Variants in CYB5B observed in about 807,000 individuals in gnomAD.
CYB5B encodes cytochrome b5 type B, also known as cytochrome b5 type B (outer mitochondrial membrane).
In CYB5B, 14 loss-of-function variants were observed where a neutral mutation model predicts 21.3. That is an observed-to-expected ratio of 0.66 (90% CI 0.43 to 1.03). The LOEUF is 1.03. Ranked by LOEUF, CYB5B falls within the 50% of genes least tolerant of loss-of-function variation. CYB5B has a pLI of 0.00. For missense variants in CYB5B, 166 were observed against 185.1 expected, an observed-to-expected ratio of 0.90 and a Z score of 0.60; for synonymous variants, 69 against 68.4, an observed-to-expected ratio of 1.01 and a Z score of -0.04.
Position 69,463,760 on chromosome 16 carries a change from G to A in CYB5B, c.*1240G>A, listed in dbSNP as rs920858475. ...TTATCTCCGTGACTCCAACTTGTGG[G>A]TTTGTTCTGTTTTTCCATGAGAATA... On this transcript the variant is annotated 3_prime_UTR_variant, in exon 5 of 5. Transcript: ENST00000307892. 6.6e-6 allele frequency: 1 copy of A among 152,120 alleles called. No homozygotes were observed. The highest frequency in any genetic ancestry group is 6.5e-5 in the Admixed American group (1 of 15,288). 9.4% of individuals were successfully genotyped at this position (152,120 alleles called of 1,614,324 possible).
chr16:69,459,416 A>G (rs78669448), intron 4 of CYB5B: 10,985 of 298,162 alleles, frequency 0.037, 1,129 homozygotes, highest in African/African-American at 0.22. Context: ...GGTAGCTACT[A>G]TTGGGTCAGC....
intron 1 of CYB5B, among the ~76,000 whole-genome samples, chr16:69,444,650 C>T (rs535542069): frequency 6.6e-6 from 1 of 151,910 alleles, no homozygotes; most frequent in South Asian, 2.1e-4. Flanking sequence ...CACTCTGACC[C>T]CCACTTGCTT....
chr16:69,437,629 G>T (rs2014774744), intron 1 of CYB5B, among the ~76,000 whole-genome samples: 1 of 151,972 alleles, frequency 6.6e-6, no homozygotes, highest in Admixed American at 6.6e-5. Context: ...AACAAAATTT[G>T]CCATTTTAAC....
At chr16:69,437,133 A>G (rs553621167) in intron 1 of CYB5B, among the ~76,000 whole-genome samples, 29 of 152,290 alleles carry the variant, frequency 1.9e-4, no homozygotes, top group African/African-American at 7.0e-4. Flanking sequence ...CTTGATTATT[A>G]TTGCTTGATT....
chr16:69,438,825 A>G (rs1250487385), intron 1 of CYB5B, among the ~76,000 whole-genome samples: 3 of 152,158 alleles, frequency 2.0e-5, no homozygotes. Context: ...CTTTATTGTT[A>G]GGTTACAGTT....
At chr16:69,430,923 T>C (rs1167617702) in intron 1 of CYB5B, among the ~76,000 whole-genome samples, 2 of 152,188 alleles carry the variant, frequency 1.3e-5, no homozygotes, top group Non-Finnish European at 2.9e-5. Flanking sequence ...TTCACCCGCC[T>C]CGGCCTCCCA....
intron 1 of CYB5B, among the ~76,000 whole-genome samples, chr16:69,446,422 T>G (rs2014879077): frequency 6.6e-6 from 1 of 152,110 alleles, no homozygotes; most frequent in Non-Finnish European, 1.5e-5. Flanking sequence ...CTCACAGGTT[T>G]AAGTGATTCT....
chr16:69,459,973 G>A (rs370364392), intron 4 of CYB5B, among the ~76,000 whole-genome samples: 2 of 152,072 alleles, frequency 1.3e-5, no homozygotes, highest in African/African-American at 4.8e-5. Context: ...ATGCAGGGCC[G>A]GGCGCGGTGG....
intron 1 of CYB5B, among the ~76,000 whole-genome samples, chr16:69,434,583 T>C (rs1411923328): frequency 1.3e-5 from 2 of 151,976 alleles, no homozygotes; most frequent in African/African-American, 4.8e-5. Context: ...GGTGTGTGGT[T>C]GGCCAGGTGC....
At chr16:69,447,306 T>TA in intron 2 of CYB5B, 28 bp downstream of exon 2, 1 of 1,607,450 alleles carries the variant, frequency 6.2e-7, no homozygotes, top group Non-Finnish European at 8.5e-7. Context: ...TGGGAGCCCT[T>TA]ATGCAGAGAA....
intron 1 of CYB5B, among the ~76,000 whole-genome samples, chr16:69,433,134 C>T (rs541035222): frequency 3.5e-4 from 54 of 152,276 alleles, no homozygotes; most frequent in Non-Finnish European, 7.2e-4. Flanking sequence ...TAGGATCTGC[C>T]TCAATGTTTT....
intron 1 of CYB5B, chr16:69,443,327 TC>T: frequency 6.4e-6 from 1 of 155,644 alleles, no homozygotes. Flanking sequence ...ACCCATCAGC[TC>T]CAGAACTTTC....
chr16:69,455,468 T>G (rs1046159458), intron 3 of CYB5B, among the ~76,000 whole-genome samples: 37 of 145,802 alleles, frequency 2.5e-4, no homozygotes, highest in African/African-American at 9.5e-4. Context: ...AGTGCAACGG[T>G]GTGATCTCGG....
intron 1 of CYB5B, among the ~76,000 whole-genome samples, chr16:69,436,362 G>C (rs1055498333): frequency 2.6e-5 from 4 of 152,180 alleles, no homozygotes; most frequent in Admixed American, 6.5e-5. Flanking sequence ...GACCCCGTCT[G>C]GGGGGATAAG....
intron 4 of CYB5B, among the ~76,000 whole-genome samples, chr16:69,461,128 C>T (rs1050178057): frequency 2.6e-5 from 4 of 151,910 alleles, no homozygotes; most frequent in Admixed American, 2.6e-4. Context: ...TGGCGTGAAC[C>T]CCAGAGGTGG....
intron 1 of CYB5B, among the ~76,000 whole-genome samples, chr16:69,425,228 G>C (rs1485997030): frequency 6.6e-6 from 1 of 152,200 alleles, no homozygotes; most frequent in African/African-American, 2.4e-5. Flanking sequence ...ACCTAGGTCT[G>C]AAGTGCACCC....
rs2015075276 is a variant in CYB5B, at chr16:69,465,049, G to C, written c.*2529G>C. The C allele has an allele frequency of 6.6e-6, 1 of 152,098 alleles. No homozygotes were observed. 9.4% of individuals were successfully genotyped at this position (152,098 alleles called of 1,614,324 possible). A position where few individuals can be genotyped will look rare whatever the true frequency, so the allele number is the denominator to read the frequency against. On this transcript the variant is annotated 3_prime_UTR_variant, in exon 5 of 5. Transcript: ENST00000307892. ...CCATCCAAAAGGACCTTTTTTTTAG[G>C]AAGTAGACTTGAATTCACAAAACAG...
intron 3 of CYB5B, among the ~76,000 whole-genome samples, chr16:69,453,239 A>G (rs1225235301): frequency 6.6e-6 from 1 of 151,898 alleles, no homozygotes; most frequent in Admixed American, 6.6e-5. Context: ...TTAAAGTTAC[A>G]TTTTTTCTCC....
At position 69,464,599 on chromosome 16, in the gene CYB5B, A is replaced by G. The variant is rs2015069179; in HGVS notation, c.*2079A>G. The G allele has an allele frequency of 6.6e-6, 1 of 152,512 alleles. No individual in the cohort carries two copies. Among genetic ancestry groups the G allele is most frequent in the Non-Finnish European group, 1.5e-5 (1 of 68,046 alleles). 9.4% of individuals were successfully genotyped at this position (152,512 alleles called of 1,614,324 possible). A position where few individuals can be genotyped will look rare whatever the true frequency, so the allele number is the denominator to read the frequency against. ...CCTGAAGATAACTTGAATCAGTTGT[A>G]AAAGTGTGTTGGCAATGTCCGAAAT... On this transcript the variant is annotated 3_prime_UTR_variant, in exon 5 of 5. Coordinates refer to ENST00000307892, the MANE Select transcript of CYB5B (RefSeq NM_030579.3).
Sources: gnomAD v4.1 joint callset for allele counts (sites outside exome capture counted in the v4.1 genomes callset) on GRCh38, gnomAD v4.1.1 for gene constraint, MANE v1.5 for transcripts, NCBI Gene and HGNC (gene_info 2026-07-23, HGNC 2026-07-21) for gene names.